SHB: variants seen among roughly 807,000 people sequenced by gnomAD.
SHB encodes SH2 domain containing adaptor protein B, also known as SH2 domain-containing adapter protein B.
SHB carries 20 observed loss-of-function variants against 52.3 expected under a neutral mutation model. The ratio of observed to expected loss-of-function variants is 0.38; its 90% CI spans 0.27 to 0.56. SHB has a LOEUF of 0.56. Among genes scored for constraint, SHB ranks in the 20% least tolerant of loss-of-function variants. SHB has a pLI of 0.71. For missense variants in SHB, 825 were observed against 723.3 expected (o/e 1.14, Z -1.61); for synonymous variants, 397 against 316.5 (o/e 1.25, Z -2.70).
At chr9:37,994,567 G>C (rs1340727051) in intron 2 of SHB, among the ~76,000 whole-genome samples, 1 of 152,192 alleles carries the variant, frequency 6.6e-6, no homozygotes, top group Non-Finnish European at 1.5e-5. Context: ...GTAGAGACTT[G>C]GCAACCTCTG....
chr9:37,950,512 T>A (rs138001975), intron 4 of SHB, among the ~76,000 whole-genome samples: 59 of 152,216 alleles, frequency 3.9e-4, no homozygotes, highest in Non-Finnish European at 5.7e-4. Context: ...GTGGACACAC[T>A]CAAAATACAT....
intron 1 of SHB, among the ~76,000 whole-genome samples, chr9:38,027,760 G>T (rs574608281): frequency 2.0e-5 from 3 of 151,900 alleles, no homozygotes; most frequent in African/African-American, 7.3e-5. Flanking sequence ...TAGGCAGAGC[G>T]GCTGTTCCCA....
rs767612301 is a variant in SHB at position 37,916,220 on chromosome 9, A to G, written c.*3601T>C. On this transcript the variant is annotated 3_prime_UTR_variant, in exon 6 of 6. Transcript: ENST00000377707. ...CGAATTTGGTCTTCGCTGATCACCA[A>G]TTCTGGAAGGGTGGAGAGACAGTTG... Among the ~76,000 whole-genome samples, 17 of 152,342 alleles carry G rather than the reference A, an allele frequency of 1.1e-4. No individual in the cohort carries two copies. Among genetic ancestry groups the G allele is most frequent in the Admixed American group, 3.9e-4 (6 of 15,304 alleles).
chr9:37,931,688 G>GTT (rs1832312589), intron 5 of SHB, among the ~76,000 whole-genome samples: 1 of 152,216 alleles, frequency 6.6e-6, no homozygotes. Context: ...AAAGAGCTTT[G>GTT]TAAGGAAATT....
At chr9:37,985,395 G>A (rs954138292) in intron 2 of SHB, among the ~76,000 whole-genome samples, 3 of 152,228 alleles carry the variant, frequency 2.0e-5, no homozygotes, top group African/African-American at 7.2e-5. Flanking sequence ...GAGTAAAAAG[G>A]CCACGTGGAC....
intron 1 of SHB, among the ~76,000 whole-genome samples, chr9:38,053,429 G>C (rs912500979): frequency 5.9e-5 from 9 of 151,984 alleles, no homozygotes; most frequent in African/African-American, 1.7e-4. Context: ...AGTAGAGATG[G>C]GGTTTCACCA....
chr9:37,960,450 TG>T (rs1433982943), intron 3 of SHB, among the ~76,000 whole-genome samples: 1 of 152,148 alleles, frequency 6.6e-6, no homozygotes, highest in Non-Finnish European at 1.5e-5. Context: ...CAATTAAAAA[TG>T]GAAGTTGGAA....
At position 37,956,094 on chromosome 9, in the gene SHB, A is replaced by C. The variant is rs549978188; in HGVS notation, c.1055-40T>G. 1.6e-5 allele frequency: 24 copies of C among 1,537,478 alleles called. No individual in the cohort carries two copies. The East Asian group carries it at 5.4e-4, about 35-fold the overall frequency. ...AGAAAGTGCAGGGTTAGCAGAGCTC[A>C]GCCCAGGGAGCTACTGTGAGGCACA... On this transcript the variant is annotated intron_variant, in intron 3 of 5. Coordinates refer to ENST00000377707, the MANE Select transcript of SHB (RefSeq NM_003028.3).
chr9:37,981,256 C>T (rs931217199), intron 2 of SHB, among the ~76,000 whole-genome samples: 2 of 152,248 alleles, frequency 1.3e-5, no homozygotes, highest in Non-Finnish European at 2.9e-5. Flanking sequence ...ATGACCTCAG[C>T]TAGATCTTCT....
Position 37,959,602 on chromosome 9 carries a change from C to T in SHB, c.1055-3548G>A, listed in dbSNP as rs778368859. On this transcript the variant is annotated intron_variant, in intron 3 of 5. Coordinates refer to ENST00000377707, the MANE Select transcript of SHB (RefSeq NM_003028.3). ...ATATAAATCTCTACAATCGACATCCCGACACAGAAGGTGAGCAGAGAGGCA... is the reference window on the plus strand; with the variant it reads ...ATATAAATCTCTACAATCGACATCCTGACACAGAAGGTGAGCAGAGAGGCA... Among the ~76,000 whole-genome samples the T allele has an allele frequency of 1.2e-3, 190 of 152,236 alleles. 1 individual carries two copies. Among genetic ancestry groups the T allele is most frequent in the Non-Finnish European group, 4.9e-4 (33 of 68,016 alleles).
At chr9:38,040,592 G>A (rs1358647319) in intron 1 of SHB, among the ~76,000 whole-genome samples, 2 of 152,298 alleles carry the variant, frequency 1.3e-5, no homozygotes, top group Admixed American at 6.5e-5. Flanking sequence ...GGCAGGTAGT[G>A]CTGGAGTGGC....
intron 1 of SHB, among the ~76,000 whole-genome samples, chr9:38,060,899 G>A (rs1019628729): frequency 6.6e-6 from 1 of 152,162 alleles, no homozygotes; most frequent in Admixed American, 6.5e-5. Flanking sequence ...GCTTTTCAGG[G>A]GCGGGCACTA....
intron 1 of SHB, among the ~76,000 whole-genome samples, chr9:38,019,511 A>G (rs1365984252): frequency 1.3e-5 from 2 of 152,248 alleles, no homozygotes; most frequent in Non-Finnish European, 2.9e-5. Flanking sequence ...TCCCAAAGGA[A>G]AGGACTAGAG....
intron 1 of SHB, among the ~76,000 whole-genome samples, chr9:38,018,158 C>T (rs1018864254): frequency 5.3e-5 from 8 of 150,342 alleles, no homozygotes; most frequent in East Asian, 2.0e-4. Context: ...GATTTGCTGG[C>T]GGGGTGGGAG....
At chr9:38,006,609 G>C (rs930737740) in intron 2 of SHB, among the ~76,000 whole-genome samples, 1 of 152,194 alleles carries the variant, frequency 6.6e-6, no homozygotes, top group African/African-American at 2.4e-5. Flanking sequence ...TTTCTACCTT[G>C]GGTAAAATGC....
At chr9:38,023,031 G>A (rs904088348) in intron 1 of SHB, among the ~76,000 whole-genome samples, 124 of 152,340 alleles carry the variant, frequency 8.1e-4, no homozygotes, top group African/African-American at 2.7e-3. Context: ...GCTGCCCCAA[G>A]CAGAGCCCTG....
At chr9:38,033,612 C>T (rs58510943) in intron 1 of SHB, among the ~76,000 whole-genome samples, 7,068 of 152,274 alleles carry the variant, frequency 0.046, 543 homozygotes, top group African/African-American at 0.16. Context: ...TCTCGTTACA[C>T]TCCCCCTCCC....
chr9:37,950,693 C>T (rs1430418160), intron 4 of SHB, among the ~76,000 whole-genome samples: 1 of 152,100 alleles, frequency 6.6e-6, no homozygotes, highest in East Asian at 1.9e-4. Context: ...ACTGACCAGG[C>T]GGCTTCTATT....
At chr9:37,994,813 T>G (rs1193090720) in intron 2 of SHB, among the ~76,000 whole-genome samples, 4 of 152,160 alleles carry the variant, frequency 2.6e-5, no homozygotes, top group Non-Finnish European at 5.9e-5. Context: ...TTTTTTTCTT[T>G]CATAATATCA....
Sources: gnomAD v4.1 joint callset for allele counts (sites outside exome capture counted in the v4.1 genomes callset) on GRCh38, gnomAD v4.1.1 for gene constraint, MANE v1.5 for transcripts, NCBI Gene and HGNC (gene_info 2026-07-23, HGNC 2026-07-21) for gene names.